The following NUDT14 variants were observed in gnomAD, a reference collection of about 807,000 sequenced individuals.
NUDT14 encodes the protein uridine diphosphate glucose pyrophosphatase NUDT14.
Under a neutral mutation model 17.5 loss-of-function variants are expected in NUDT14, and 22 were observed. The ratio of observed to expected loss-of-function variants is 1.26; its 90% CI spans 0.90 to 1.80. NUDT14 has a LOEUF of 1.80. Ranked by LOEUF, NUDT14 falls within the 40% of genes most tolerant of loss-of-function variation. The pLI is 0.00. For missense variants in NUDT14, 296 were observed against 295.6 expected (o/e 1.00, Z -0.01); for synonymous variants, 129 against 125.8 (o/e 1.03, Z -0.17).
intron 4 of NUDT14, among the ~76,000 whole-genome samples, chr14:105,174,583 C>T (rs1285373426): frequency 6.6e-6 from 1 of 152,198 alleles, no homozygotes; most frequent in Non-Finnish European, 1.5e-5. Context: ...GCTTCCTTGC[C>T]CTCTAGCCCC....
chr14:105,181,239 G>T lies in NUDT14; in HGVS notation c.-30C>A. 4.4e-6 allele frequency: 1 copy of T among 228,862 alleles called. No homozygotes were observed. Among genetic ancestry groups the T allele is most frequent in the Non-Finnish European group, 5.5e-6 (1 of 180,624 alleles). The allele number at this position is 228,862 out of a possible 1,614,324, so 14.2% of individuals were successfully genotyped here. A position where few individuals can be genotyped will look rare whatever the true frequency, so the allele number is the denominator to read the frequency against. ...GCGCCCGGACAGGCGGGGGCCGCGAGCTCTGCGGGGGCCGACACGGGGCGG... is the reference window on the plus strand; with the variant it reads ...GCGCCCGGACAGGCGGGGGCCGCGATCTCTGCGGGGGCCGACACGGGGCGG... On this transcript the variant is annotated 5_prime_UTR_variant, in exon 1 of 5. Coordinates refer to ENST00000392568, the MANE Select transcript of NUDT14 (RefSeq NM_177533.5). This position sits in a 1 kb window ranked among gnomAD's most constrained non-coding sequence, Gnocchi z 5.0.
chr14:105,181,032 C>T lies in NUDT14; in HGVS notation c.81+97G>A, dbSNP rs1236108174. On this transcript the variant is annotated intron_variant, in intron 1 of 4. Transcript: ENST00000392568. The surrounding 1 kb of genome is among the most constrained non-coding windows in gnomAD (Gnocchi z 5.0). ...TCGGCGGGAGGCGGGGGCGGGGCTC[C>T]GGGGCGGGGCCGGCAGCGCGGAAGA... The T allele has an allele frequency of 1.6e-5, 5 of 316,890 alleles. No individual in the cohort carries two copies. The highest frequency in any genetic ancestry group is 2.3e-5 in the Non-Finnish European group (5 of 217,058). The allele number at this position is 316,890 out of a possible 1,614,324, so 19.6% of individuals were successfully genotyped here. A position where few individuals can be genotyped will look rare whatever the true frequency, so the allele number is the denominator to read the frequency against.
At position 105,173,010 on chromosome 14, in the gene NUDT14, A is replaced by G. The variant is rs1260644909; in HGVS notation, c.*11T>C. On this transcript the variant is annotated 3_prime_UTR_variant, in exon 5 of 5. Coordinates refer to ENST00000392568, the MANE Select transcript of NUDT14 (RefSeq NM_177533.5). The surrounding 1 kb of genome is among the most constrained non-coding windows in gnomAD (Gnocchi z 4.7). ...TGGCCAAGACTGGCCTCTGTCTAGA[A>G]CCCTGGAGTCTCACTGGAGATCCAG... 13 of 1,508,950 alleles carry G rather than the reference A, an allele frequency of 8.6e-6. No homozygotes were observed. Among genetic ancestry groups the G allele is most frequent in the Non-Finnish European group, 4.4e-6 (5 of 1,129,796 alleles). 93.5% of individuals were successfully genotyped at this position (1,508,950 alleles called of 1,614,324 possible). A position where few individuals can be genotyped will look rare whatever the true frequency, so the allele number is the denominator to read the frequency against.
At chr14:105,178,490 A>G (rs1376947709) in intron 1 of NUDT14, among the ~76,000 whole-genome samples, 5 of 152,070 alleles carry the variant, frequency 3.3e-5, no homozygotes, top group Non-Finnish European at 7.4e-5. Flanking sequence ...CCTGGGTGGC[A>G]CTCAGTGAAC....
At chr14:105,180,383 G>A (rs1889301574) in intron 1 of NUDT14, among the ~76,000 whole-genome samples, 1 of 152,264 alleles carries the variant, frequency 6.6e-6, no homozygotes, top group African/African-American at 2.4e-5. Context: ...CAGGAGGATC[G>A]CTTGAGCCCA....
chr14:105,179,663 G>C (rs900805749), intron 1 of NUDT14, among the ~76,000 whole-genome samples: 7 of 152,214 alleles, frequency 4.6e-5, no homozygotes, highest in Non-Finnish European at 8.8e-5. Context: ...ATCCCATATG[G>C]CCAACGTCAG....
chr14:105,173,216 T>C lies in NUDT14; in HGVS notation c.474A>G (p.Thr158=). The change falls in exon 5 of 5, where the codon ACA becomes ACG. Residue 158 remains threonine, a synonymous_variant. Transcript: ENST00000392568. This position sits in a 1 kb window ranked among gnomAD's most constrained non-coding sequence, Gnocchi z 4.7. ...LTGSRQTMFY[T]EVTDAQRSGP... The stretch of plus-strand genomic sequence containing the variant: ...CGCTACGCTGGGCATCTGTCACCTC[T>C]GTGTAGAACATGGTCTGTCTGGAGC... 1 of 1,606,058 alleles carries C rather than the reference T, an allele frequency of 6.2e-7. No individual in the cohort carries two copies. The highest frequency in any genetic ancestry group is 8.5e-7 in the Non-Finnish European group (1 of 1,177,000).
Position 105,176,770 on chromosome 14 carries a change from A to G in NUDT14, c.192T>C (p.Ala64=), listed in dbSNP as rs377627604. 4.2e-5 allele frequency: 68 copies of G among 1,611,556 alleles called. No homozygotes were observed. The highest frequency in any genetic ancestry group is 5.7e-5 in the Non-Finnish European group (67 of 1,179,426). Residue 64 remains alanine, a splice_region_variant and synonymous_variant, in exon 4 of 5, where the codon GCT becomes GCC. Transcript: ENST00000392568. ...GGCGCTCCACCTCACCCGCATACAC[A>G]GCTGCGTGGGAAGAAGCCAGACTGT... The part of the protein sequence containing the change: ...SLVLVKQFRP[A]VYAGEVERRF...
At chr14:105,180,288 ACGT>A (rs1566778970) in intron 1 of NUDT14, among the ~76,000 whole-genome samples, 1 of 152,136 alleles carries the variant, frequency 6.6e-6, no homozygotes, top group Non-Finnish European at 1.5e-5. Context: ...CAACAGTGAG[ACGT>A]CGTCTCTACA....
Position 105,176,970 on chromosome 14 carries a change from G to T in NUDT14, c.183C>A (p.Phe61Leu). Residue 61 changes from phenylalanine (F) to leucine (L), a missense_variant, in exon 3 of 5, where the codon TTC becomes TTA. Coordinates refer to ENST00000392568, the MANE Select transcript of NUDT14 (RefSeq NM_177533.5). The stretch of plus-strand genomic sequence containing the variant: ...CACCCCAGCTGGCCTCACCTGGCCG[G>T]AACTGCTTCACCAACACCAGGCTCC... The part of the protein sequence containing the change: ...SRRSLVLVKQ[F>L]RPAVYAGEVE... 2.5e-6 allele frequency: 4 copies of T among 1,611,906 alleles called. No individual in the cohort carries two copies. The highest frequency in any genetic ancestry group is 3.4e-6 in the Non-Finnish European group (4 of 1,179,632).
Position 105,176,962 on chromosome 14 carries a change from C to T in NUDT14, c.190+1G>A. ...CCCCTTCCCACCCCAGCTGGCCTCA[C>T]CTGGCCGGAACTGCTTCACCAACAC... On this transcript the variant is annotated splice_donor_variant, in intron 3 of 4. Coordinates refer to ENST00000392568, the MANE Select transcript of NUDT14 (RefSeq NM_177533.5). LOFTEE classifies it high-confidence loss of function. The T allele has an allele frequency of 6.2e-7, 1 of 1,611,848 alleles. No individual in the cohort carries two copies. The highest frequency in any genetic ancestry group is 8.5e-7 in the Non-Finnish European group (1 of 1,179,646).
chr14:105,174,788 G>A (rs993737724), intron 4 of NUDT14, among the ~76,000 whole-genome samples: 3 of 152,128 alleles, frequency 2.0e-5, no homozygotes, highest in African/African-American at 7.2e-5. Context: ...CCCAGGGCAC[G>A]TTCCAACTTC....
Position 105,181,113 on chromosome 14 carries a change from G to T in NUDT14, c.81+16C>A. 2 of 997,510 alleles carry T rather than the reference G, an allele frequency of 2.0e-6. No homozygotes were observed. The highest frequency in any genetic ancestry group is 2.4e-6 in the Non-Finnish European group (2 of 822,162). 61.8% of individuals were successfully genotyped at this position (997,510 alleles called of 1,614,324 possible). ...CCGCCGGCGGGGGCGCGGGGGACGCGGGGGCGCGGGCTCACCTGGCGGTAA... is the reference window on the plus strand; with the variant it reads ...CCGCCGGCGGGGGCGCGGGGGACGCTGGGGCGCGGGCTCACCTGGCGGTAA... On this transcript the variant is annotated intron_variant, in intron 1 of 4. Transcript: ENST00000392568. This position sits in a 1 kb window ranked among gnomAD's most constrained non-coding sequence, Gnocchi z 5.0.
chr14:105,173,466 T>G lies in NUDT14; in HGVS notation c.429-205A>C. On this transcript the variant is annotated intron_variant, in intron 4 of 4. Coordinates refer to ENST00000392568, the MANE Select transcript of NUDT14 (RefSeq NM_177533.5). The surrounding 1 kb of genome is among the most constrained non-coding windows in gnomAD (Gnocchi z 4.7). ...CCGCAGCAGGGCATCCCTTCCCTGA[T>G]CACGTTGTACTCGCCAGGTGGGGTG... 2.2e-6 allele frequency: 1 copy of G among 458,766 alleles called. No homozygotes were observed. The allele number at this position is 458,766 out of a possible 1,614,324, so 28.4% of individuals were successfully genotyped here.
chr14:105,177,072 C>A, intron 2 of NUDT14, 45 bp from the exon 3 acceptor site: 1 of 1,583,954 alleles, frequency 6.3e-7, no homozygotes, highest in African/African-American at 1.3e-5. Context: ...CTCCACTGGC[C>A]CTCGTGGGGC....
intron 4 of NUDT14, among the ~76,000 whole-genome samples, chr14:105,174,283 G>T (rs976491883): frequency 6.6e-6 from 1 of 152,084 alleles, no homozygotes. Flanking sequence ...TGGCAGAGGG[G>T]CTGGGCTGCA....
chr14:105,177,808 G>A, intron 1 of NUDT14, 73 bp from the exon 2 acceptor site: 2 of 1,444,886 alleles, frequency 1.4e-6, no homozygotes, highest in Non-Finnish European at 1.9e-6. Context: ...GGAGGCCACA[G>A]ACCCATTGCA....
chr14:105,181,209 TG>T lies in NUDT14; in HGVS notation c.-1del. The T allele has an allele frequency of 8.7e-7, 1 of 1,145,734 alleles. No homozygotes were observed. The highest frequency in any genetic ancestry group is 2.7e-5 in the South Asian group (1 of 36,598). The allele number at this position is 1,145,734 out of a possible 1,614,324, so 71.0% of individuals were successfully genotyped here. On this transcript the variant is annotated 5_prime_UTR_variant, in exon 1 of 5. Transcript: ENST00000392568. This position sits in a 1 kb window ranked among gnomAD's most constrained non-coding sequence, Gnocchi z 5.0. ...ACGGACGCCCCCTCGATGCGCTCCA[TG>T]GCGGCGCCCGGACAGGCGGGGGCCG...
intron 4 of NUDT14, among the ~76,000 whole-genome samples, chr14:105,174,885 A>T (rs587606370): frequency 6.6e-6 from 1 of 151,932 alleles, no homozygotes; most frequent in Non-Finnish European, 1.5e-5. Flanking sequence ...CCAGAATCAG[A>T]GACAGGGAGC....
Sources: gnomAD v4.1 joint callset for allele counts (sites outside exome capture counted in the v4.1 genomes callset) on GRCh38, gnomAD v4.1.1 for gene constraint, Gnocchi (gnomAD v3.1) non-coding constraint, MANE v1.5 for transcripts, NCBI Gene and HGNC (gene_info 2026-07-23, HGNC 2026-07-21) for gene names.